FERMT2: variants seen among roughly 807,000 people sequenced by gnomAD.
FERMT2 encodes the protein FERM domain containing kindlin 2.
In FERMT2, 15 loss-of-function variants were observed where a neutral mutation model predicts 82.7. That is an observed-to-expected ratio of 0.18 (90% confidence interval 0.12 to 0.28). FERMT2 has a LOEUF of 0.28. Ranked by LOEUF, FERMT2 falls within the 10% of genes least tolerant of loss-of-function variation. The pLI, the probability that FERMT2 is intolerant of heterozygous loss-of-function variation, is 1.00. For missense variants in FERMT2, 645 were observed against 809.4 expected, an observed-to-expected ratio of 0.80 and a Z score of 2.46; for synonymous variants, 274 against 271.5, an observed-to-expected ratio of 1.01 and a Z score of -0.09.
intron 2 of FERMT2, among the ~76,000 whole-genome samples, chr14:52,948,275 G>A (rs879938637): frequency 2.0e-5 from 3 of 152,198 alleles, no homozygotes; most frequent in Non-Finnish European, 1.5e-5. Context: ...CCAGTTTTAC[G>A]CAACTCTGAA....
intron 8 of FERMT2, 66 bp from the exon 9 acceptor site, chr14:52,874,292 C>A: frequency 1.0e-6 from 1 of 969,480 alleles, no homozygotes; most frequent in Non-Finnish European, 1.5e-6. Flanking sequence ...TGTTTGGTAT[C>A]TGATATCAAG....
At chr14:52,943,463 CTAAATGCG>C (rs1487457573) in intron 2 of FERMT2, among the ~76,000 whole-genome samples, 1 of 152,010 alleles carries the variant, frequency 6.6e-6, no homozygotes, top group Non-Finnish European at 1.5e-5. Context: ...GCCCTTTCAA[CTAAATGCG>C]AAATGAGATT....
intron 12 of FERMT2, chr14:52,863,065 C>T (rs897336415): frequency 4.6e-4 from 28 of 60,878 alleles, no homozygotes; most frequent in African/African-American, 8.6e-4. Context: ...TAAAAAACTA[C>T]GAATGAAAAA....
chr14:52,913,011 G>C (rs1354368887), intron 3 of FERMT2, among the ~76,000 whole-genome samples: 1 of 152,092 alleles, frequency 6.6e-6, no homozygotes, highest in East Asian at 1.9e-4. Context: ...AAAGCTAAAA[G>C]TGATTTTGAT....
chr14:52,899,386 G>A (rs959134406), intron 3 of FERMT2, among the ~76,000 whole-genome samples: 2 of 152,166 alleles, frequency 1.3e-5, no homozygotes, highest in East Asian at 3.9e-4. Flanking sequence ...GGGCTCAAGC[G>A]ATTCCCCTGC....
chr14:52,900,702 CTG>C (rs1478595810), intron 3 of FERMT2, among the ~76,000 whole-genome samples: 1 of 152,098 alleles, frequency 6.6e-6, no homozygotes, highest in Non-Finnish European at 1.5e-5. Flanking sequence ...AATCATCAAA[CTG>C]AGGCACAGAA....
intron 2 of FERMT2, among the ~76,000 whole-genome samples, chr14:52,942,214 T>C (rs1392787915): frequency 6.6e-6 from 1 of 151,902 alleles, no homozygotes; most frequent in African/African-American, 2.4e-5. Context: ...ACACAAATAG[T>C]TTATATAAAG....
intron 8 of FERMT2, 48 bp from the exon 9 acceptor site, chr14:52,874,274 C>A (rs1397068437): frequency 2.4e-6 from 3 of 1,233,816 alleles, no homozygotes; most frequent in South Asian, 3.0e-5. Context: ...ATTTGAAATT[C>A]TTTCTAATGT....
chr14:52,898,733 A>ACT (rs4027139), intron 3 of FERMT2, among the ~76,000 whole-genome samples: 119,486 of 151,910 alleles, frequency 0.79, 48,866 homozygotes, highest in Non-Finnish European at 0.89. Flanking sequence ...TGGTGGTGGT[A>ACT]CTCTCTCTCC....
chr14:52,950,249 G>A (rs1024098061), intron 2 of FERMT2, among the ~76,000 whole-genome samples, 163 bp downstream of exon 2: 42 of 152,170 alleles, frequency 2.8e-4, no homozygotes, highest in African/African-American at 1.0e-3. Flanking sequence ...ACGCAAAGGG[G>A]AACAGGTCTA....
chr14:52,892,714 C>A (rs1341306032), intron 4 of FERMT2, among the ~76,000 whole-genome samples: 4 of 152,086 alleles, frequency 2.6e-5, no homozygotes, highest in Non-Finnish European at 5.9e-5. Context: ...CCTTGGCTTC[C>A]CAAAGTGCTG....
At chr14:52,940,319 T>C (rs970983677) in intron 2 of FERMT2, among the ~76,000 whole-genome samples, 1 of 152,246 alleles carries the variant, frequency 6.6e-6, no homozygotes, top group East Asian at 1.9e-4. Flanking sequence ...ACTGCTTATC[T>C]CTTTTTCTCA....
intron 10 of FERMT2, among the ~76,000 whole-genome samples, chr14:52,871,189 A>T (rs1047389110): frequency 3.3e-5 from 5 of 152,112 alleles, no homozygotes; most frequent in Admixed American, 3.3e-4. Context: ...CTCTATTCCG[A>T]ATTTAAGTCT....
intron 10 of FERMT2, among the ~76,000 whole-genome samples, chr14:52,865,197 T>A (rs1040773865): frequency 2.0e-5 from 3 of 152,180 alleles, no homozygotes; most frequent in African/African-American, 7.2e-5. Flanking sequence ...GGTGGACACC[T>A]GTAATCTCAG....
At chr14:52,879,829 G>T (rs1413146246) in intron 6 of FERMT2, among the ~76,000 whole-genome samples, 1 of 152,004 alleles carries the variant, frequency 6.6e-6, no homozygotes, top group Non-Finnish European at 1.5e-5. Flanking sequence ...GTTTTCTACG[G>T]GGGAAAAAAG....
At chr14:52,928,066 T>TA (rs761746397) in intron 2 of FERMT2, 32 of 351,482 alleles carry the variant, frequency 9.1e-5, no homozygotes, top group Non-Finnish European at 1.6e-4. Context: ...GTAAGCAACT[T>TA]AGAGTTTGGA....
chr14:52,859,448 G>A (rs543698477), intron 14 of FERMT2, 125 bp downstream of exon 14: 1 of 893,640 alleles, frequency 1.1e-6, no homozygotes, highest in South Asian at 3.4e-5. Context: ...AGTCAACCAT[G>A]GTCTGTCTGT....
chr14:52,862,640 C>G (rs1321561213), intron 12 of FERMT2: 1 of 152,268 alleles, frequency 6.6e-6, no homozygotes, highest in African/African-American at 2.4e-5. Context: ...TGCCACTGCA[C>G]TCCAGCCTGG....
At chr14:52,899,189 C>T (rs914581621) in intron 3 of FERMT2, among the ~76,000 whole-genome samples, 2 of 152,098 alleles carry the variant, frequency 1.3e-5, no homozygotes, top group Non-Finnish European at 2.9e-5. Context: ...ATTAAAAATA[C>T]ATGCTGGGAC....
Sources: allele counts gnomAD v4.1 joint callset (sites outside exome capture counted in the v4.1 genomes callset), GRCh38; gene constraint gnomAD v4.1.1; transcripts MANE v1.5; gene names NCBI Gene and HGNC (gene_info 2026-07-23, HGNC 2026-07-21).